Variants in SPEN observed in about 807,000 individuals in gnomAD.
SPEN encodes the protein msx2-interacting protein.
A neutral mutation model predicts 269.9 loss-of-function variants in SPEN; 18 were observed. The observed-to-expected ratio is 0.07, with a 90% CI of 0.05 to 0.10. The LOEUF (loss-of-function observed/expected upper bound fraction) is 0.10. SPEN is among the 10% of genes least tolerant of loss of function. The pLI is 1.00. For synonymous variants in SPEN, 1,726 were observed against 1,765.7 expected (o/e 0.98, Z 0.56); for missense variants, 3,822 against 4,631.2 (o/e 0.83, Z 5.07).
chr1:15,908,830 T>A (rs2070985779), intron 3 of SPEN, among the ~76,000 whole-genome samples: 1 of 152,232 alleles, frequency 6.6e-6, no homozygotes, highest in African/African-American at 2.4e-5. Context: ...TATTTTCATT[T>A]AGTTTCATTA....
At chr1:15,879,332 C>G (rs772165862) in intron 3 of SPEN, among the ~76,000 whole-genome samples, 1 of 152,024 alleles carries the variant, frequency 6.6e-6, no homozygotes, top group Non-Finnish European at 1.5e-5. Flanking sequence ...TAGCATTATA[C>G]TTTGATGGGA....
rs200289036 is a variant in SPEN, at chr1:15,914,025, G to A, written c.1244-2103G>A. Among the ~76,000 whole-genome samples the A allele has an allele frequency of 2.0e-5, 3 of 152,152 alleles. No homozygotes were observed. The East Asian group carries it at 5.8e-4, about 29-fold the overall frequency. On this transcript the variant is annotated intron_variant, in intron 5 of 14. Transcript: ENST00000375759. Reference sequence around the variant, plus strand: ...TGAATTTTTTGAAATATTATTAAATGTCTGTGCACATTTAAATTAAGACCA... The same window carrying A: ...TGAATTTTTTGAAATATTATTAAATATCTGTGCACATTTAAATTAAGACCA...
At position 15,933,123 on chromosome 1, in the gene SPEN, C is replaced by G; in HGVS notation, c.6883C>G (p.Pro2295Ala). 6.2e-7 allele frequency: 1 copy of G among 1,614,088 alleles called. No individual in the cohort carries two copies. Among genetic ancestry groups the G allele is most frequent in the Non-Finnish European group, 8.5e-7 (1 of 1,180,014 alleles). ...CAATGCTCCTGACCCCTCAGCCGGCCCAACAGATACCAAGGAAGCCAGAGG... is the reference window on the plus strand; with the variant it reads ...CAATGCTCCTGACCCCTCAGCCGGCGCAACAGATACCAAGGAAGCCAGAGG... Reference protein sequence around the residue: ...PVNAPDPSAGPTDTKEARGNS... With the variant: ...PVNAPDPSAGATDTKEARGNS... The change falls in exon 11 of 15, where the codon CCA becomes GCA. Residue 2295 changes from proline (P) to alanine (A), a missense_variant. Coordinates refer to ENST00000375759, the MANE Select transcript of SPEN (RefSeq NM_015001.3). This position sits in a 1 kb window ranked among gnomAD's most constrained non-coding sequence, Gnocchi z 5.7.
At chr1:15,895,263 A>G (rs1241212019) in intron 3 of SPEN, among the ~76,000 whole-genome samples, 1 of 152,172 alleles carries the variant, frequency 6.6e-6, no homozygotes, top group Non-Finnish European at 1.5e-5. Flanking sequence ...TGTGCCATTA[A>G]GTACATTAAT....
rs1202873101 is a variant in SPEN, at chr1:15,876,476, G to C, written c.679G>C (p.Glu227Gln). 2 of 1,614,032 alleles carry C rather than the reference G, an allele frequency of 1.2e-6. No homozygotes were observed. Among genetic ancestry groups the C allele is most frequent in the African/African-American group, 2.7e-5 (2 of 74,916 alleles). The stretch of plus-strand genomic sequence containing the variant: ...TATCTACAGGGATGATATTACCCGG[G>C]AGGTACGAGGCAGAAGGCCAGAGCG... ...RDIYRDDITR[E>Q]VRGRRPERNY... The change falls in exon 3 of 15, where the codon GAG becomes CAG. Residue 227 changes from glutamate to glutamine, a missense_variant. By Grantham distance (29) the Glu-to-Gln change is conservative. This residue lies in a region of SPEN where 327 missense variants were observed against 350.8 expected (regional missense o/e 0.93). Coordinates refer to ENST00000375759, the MANE Select transcript of SPEN (RefSeq NM_015001.3).
At chr1:15,857,906 G>A (rs551609641) in intron 1 of SPEN, among the ~76,000 whole-genome samples, 2 of 152,036 alleles carry the variant, frequency 1.3e-5, no homozygotes, top group Non-Finnish European at 2.9e-5. Flanking sequence ...GAGGTGGGTG[G>A]ATCATGAGGT....
chr1:15,896,955 G>A (rs1411021286), intron 3 of SPEN, among the ~76,000 whole-genome samples: 5 of 152,126 alleles, frequency 3.3e-5, no homozygotes, highest in African/African-American at 9.7e-5. Context: ...ATGACAGAGC[G>A]AGACCTTGTC....
rs751312085 is a variant in SPEN at position 15,934,661 on chromosome 1, T to G, written c.8421T>G (p.Arg2807=). The change falls in exon 11 of 15, where the codon CGT becomes CGG. Residue 2807 remains arginine (R), a synonymous_variant. Coordinates refer to ENST00000375759, the MANE Select transcript of SPEN (RefSeq NM_015001.3). This position sits in a 1 kb window ranked among gnomAD's most constrained non-coding sequence, Gnocchi z 9.2. ...PADAGSGAGL[R]VNTSEGVVLL... Reference sequence around the variant, plus strand: ...ACGCGGGCTCAGGGGCGGGGCTGCGTGTGAACACTTCTGAAGGGGTTGTGC... The same window carrying G: ...ACGCGGGCTCAGGGGCGGGGCTGCGGGTGAACACTTCTGAAGGGGTTGTGC... 5.0e-6 allele frequency: 8 copies of G among 1,613,980 alleles called. No homozygotes were observed. Among genetic ancestry groups the G allele is most frequent in the Non-Finnish European group, 6.8e-6 (8 of 1,180,016 alleles).
At position 15,928,615 on chromosome 1, in the gene SPEN, A is replaced by G; in HGVS notation, c.2375A>G (p.Asp792Gly). 6.2e-7 allele frequency: 1 copy of G among 1,614,116 alleles called. No individual in the cohort carries two copies. The highest frequency in any genetic ancestry group is 1.1e-5 in the South Asian group (1 of 91,080). ...LERYTKNEKT[D>G]KERTFDPERV... ...CGCTATACAAAAAATGAAAAGACAG[A>G]TAAAGAACGAACTTTTGATCCGGAG... Residue 792 changes from aspartate to glycine, a missense_variant, in exon 11 of 15, where the codon GAT becomes GGT. Physicochemically the swap from Asp to Gly is moderately conservative, Grantham distance 94. This residue lies in a region of SPEN where 572 missense variants were observed against 582.6 expected (regional missense o/e 0.98). Coordinates refer to ENST00000375759, the MANE Select transcript of SPEN (RefSeq NM_015001.3). The surrounding 1 kb of genome is among the most constrained non-coding windows in gnomAD (Gnocchi z 5.7).
intron 3 of SPEN, among the ~76,000 whole-genome samples, chr1:15,905,784 A>G (rs1261353928): frequency 6.6e-6 from 1 of 151,414 alleles, no homozygotes; most frequent in African/African-American, 2.4e-5. Flanking sequence ...CATGTTGGCC[A>G]GGATGGTCTT....
chr1:15,851,474 G>A (rs763445266), intron 1 of SPEN, among the ~76,000 whole-genome samples: 32 of 152,146 alleles, frequency 2.1e-4, no homozygotes, highest in Admixed American at 3.9e-4. Flanking sequence ...TATACAATTG[G>A]TTCCTGTCTT....
rs2070596719 is a variant in SPEN at position 15,872,997 on chromosome 1, C to T, written c.265C>T (p.Arg89Trp). The T allele has an allele frequency of 1.9e-6, 3 of 1,614,004 alleles. No homozygotes were observed. The highest frequency in any genetic ancestry group is 2.5e-6 in the Non-Finnish European group (3 of 1,180,004). Reference sequence around the variant, plus strand: ...ACCAGGCACCATCCCGAGTGCTGCTCGGGGATTGGATGATACAGTTTCCAT... The same window carrying T: ...ACCAGGCACCATCCCGAGTGCTGCTTGGGGATTGGATGATACAGTTTCCAT... ...NEPGTIPSAA[R>W]GLDDTVSIAS... The change falls in exon 2 of 15, where the codon CGG becomes TGG. Residue 89 changes from arginine to tryptophan, a missense_variant. Coordinates refer to ENST00000375759, the MANE Select transcript of SPEN (RefSeq NM_015001.3).
At chr1:15,915,747 C>T (rs916181602) in intron 5 of SPEN, among the ~76,000 whole-genome samples, 1 of 152,020 alleles carries the variant, frequency 6.6e-6, no homozygotes, top group African/African-American at 2.4e-5. Flanking sequence ...ACATGTTGCC[C>T]AGGCTAGTCT....
At chr1:15,903,823 T>A (rs540788273) in intron 3 of SPEN, among the ~76,000 whole-genome samples, 2 of 152,310 alleles carry the variant, frequency 1.3e-5, no homozygotes, top group Non-Finnish European at 1.5e-5. Flanking sequence ...TTAATTGATA[T>A]TGAACATGTA....
In SPEN at chr1:15,929,156, G is replaced by A; in HGVS notation, c.2916G>A (p.Gly972=). Residue 972 remains glycine, a synonymous_variant, in exon 11 of 15, where the codon GGG becomes GGA. Coordinates refer to ENST00000375759, the MANE Select transcript of SPEN (RefSeq NM_015001.3). This position sits in a 1 kb window ranked among gnomAD's most constrained non-coding sequence, Gnocchi z 5.8. ...KHLKPEQPAD[G]VSAVDLEKLE... is the part of the protein sequence containing the mutation. ...TCAAGCCTGAGCAGCCTGCAGATGG[G>A]GTAAGTGCTGTGGATCTGGAGAAGC... 1 of 1,614,168 alleles carries A rather than the reference G, an allele frequency of 6.2e-7. No homozygotes were observed. Among genetic ancestry groups the A allele is most frequent in the Non-Finnish European group, 8.5e-7 (1 of 1,180,034 alleles).
intron 3 of SPEN, among the ~76,000 whole-genome samples, chr1:15,901,988 G>A (rs1434572080): frequency 6.9e-6 from 1 of 144,614 alleles, no homozygotes; most frequent in Admixed American, 7.1e-5. Context: ...GAATGCAGTG[G>A]CATGATTTCG....
chr1:15,882,184 T>C (rs1570000181), intron 3 of SPEN, among the ~76,000 whole-genome samples: 1 of 152,212 alleles, frequency 6.6e-6, no homozygotes, highest in Non-Finnish European at 1.5e-5. Flanking sequence ...TGCTATGTAC[T>C]GCTCGACGTC....
chr1:15,918,625 G>A (rs748777299), intron 6 of SPEN, among the ~76,000 whole-genome samples: 6 of 152,116 alleles, frequency 3.9e-5, no homozygotes, highest in Non-Finnish European at 7.4e-5. Flanking sequence ...CTTTATTATC[G>A]TTAAGTTTCT....
intron 2 of SPEN, 145 bp downstream of exon 2, chr1:15,873,281 A>G: frequency 7.1e-7 from 1 of 1,398,858 alleles, no homozygotes; most frequent in Non-Finnish European, 9.3e-7. Flanking sequence ...AGTGATTTAT[A>G]TCCCAATGGC....
Sources: allele counts gnomAD v4.1 joint callset (sites outside exome capture counted in the v4.1 genomes callset), GRCh38; gene constraint gnomAD v4.1.1; regional missense constraint gnomAD v4.1.1; non-coding constraint Gnocchi (gnomAD v3.1); transcripts MANE v1.5; gene names NCBI Gene and HGNC (gene_info 2026-07-23, HGNC 2026-07-21).